The following CLK3 variants were observed in gnomAD, a reference collection of about 807,000 sequenced individuals.
CLK3 encodes the protein CDC like kinase 3, also known as dual specificity protein kinase CLK3.
A neutral mutation model predicts 65.2 loss-of-function variants in CLK3; 24 were observed. That is an observed-to-expected ratio of 0.37 (90% CI 0.27 to 0.52). CLK3 has a LOEUF of 0.52. Ranked by LOEUF, CLK3 falls within the 20% of genes least tolerant of loss-of-function variation. The pLI, the probability that CLK3 is intolerant of heterozygous loss-of-function variation, is 0.92. For missense variants in CLK3, 506 were observed against 660.0 expected, an observed-to-expected ratio of 0.77 and a Z score of 2.56; for synonymous variants, 252 against 240.8, an observed-to-expected ratio of 1.05 and a Z score of -0.43.
upstream of CLK3, among the ~76,000 whole-genome samples, chr15:74,614,082 C>T (rs568966241): frequency 1.3e-5 from 2 of 152,294 alleles, no homozygotes; most frequent in East Asian, 1.9e-4. Flanking sequence ...GGCGCGATCT[C>T]GGCTCACTGC....
In CLK3 at chr15:74,624,770, C is replaced by CCAGTATCTGCTCT; in HGVS notation, c.534-130_534-118dup. ...GTGTTGCATGGGGCAGGCTGGGCATCCAGTATCTGCTCTCTTCAGTGCCGG... is the reference window on the plus strand; with the variant it reads ...GTGTTGCATGGGGCAGGCTGGGCATCCAGTATCTGCTCTCAGTATCTGCTCTCTTCAGTGCCGG... On this transcript the variant is annotated intron_variant, in intron 5 of 12. Coordinates refer to ENST00000395066, the MANE Select transcript of CLK3 (RefSeq NM_001130028.2). The surrounding 1 kb of genome is among the most constrained non-coding windows in gnomAD (Gnocchi z 4.2). 2 of 674,626 alleles carry CCAGTATCTGCTCT rather than the reference C, an allele frequency of 3.0e-6. No homozygotes were observed. Among genetic ancestry groups the CCAGTATCTGCTCT allele is most frequent in the Non-Finnish European group, 5.4e-6 (2 of 369,050 alleles). The allele number at this position is 674,626 out of a possible 1,614,324, so 41.8% of individuals were successfully genotyped here.
Position 74,627,247 on chromosome 15 carries a change from G to A in CLK3, c.818-105G>A, listed in dbSNP as rs773106169. The A allele has an allele frequency of 4.6e-6, 4 of 873,188 alleles. No homozygotes were observed. Among genetic ancestry groups the A allele is most frequent in the Admixed American group, 1.7e-5 (1 of 58,438 alleles). The allele number at this position is 873,188 out of a possible 1,614,324, so 54.1% of individuals were successfully genotyped here. On this transcript the variant is annotated intron_variant, in intron 7 of 12. Transcript: ENST00000395066. The surrounding 1 kb of genome is among the most constrained non-coding windows in gnomAD (Gnocchi z 4.3). ...CAGCTCCCTGCTGAGGTGGGGGTGTGAGGACCTCTGGCAGTTGCTGGCATT... is the reference window on the plus strand; with the variant it reads ...CAGCTCCCTGCTGAGGTGGGGGTGTAAGGACCTCTGGCAGTTGCTGGCATT...
In CLK3 at chr15:74,619,238, G is replaced by A. The variant is rs150664892; in HGVS notation, c.42G>A (p.Pro14=). Residue 14 remains proline, a synonymous_variant, in exon 2 of 13, where the codon CCG becomes CCA. Coordinates refer to ENST00000395066, the MANE Select transcript of CLK3 (RefSeq NM_001130028.2). The part of the protein sequence containing the change: ...CKRYRSPEPD[P]YLSYRWKRRR... ...GATACCGCTCCCCTGAACCAGACCC[G>A]TACCTGAGCTACCGATGGAAGAGGA... is the stretch of plus-strand genomic sequence containing the variant. 23 of 1,614,154 alleles carry A rather than the reference G, an allele frequency of 1.4e-5. 1 individual carries two copies. The highest frequency in any genetic ancestry group is 1.1e-4 in the South Asian group (10 of 91,082).
At chr15:74,608,712 A>G (rs1376059851) in intron 1 of CLK3, 1 of 152,228 alleles carries the variant, frequency 6.6e-6, no homozygotes, top group African/African-American at 2.4e-5. Flanking sequence ...CCCATAAAAG[A>G]GCCAGAATGT....
upstream of CLK3, chr15:74,615,553 C>A (rs890107499): frequency 4.9e-5 from 62 of 1,275,166 alleles, no homozygotes; most frequent in Middle Eastern, 8.9e-4. Flanking sequence ...GGCCCCACCT[C>A]TCGGCTCTGA....
chr15:74,616,080 T>C, intron 1 of CLK3, 182 bp downstream of exon 1: 1 of 461,526 alleles, frequency 2.2e-6, no homozygotes, highest in Non-Finnish European at 3.5e-6. Context: ...GGGCGGTCAC[T>C]GCAGACCCTG....
chr15:74,615,546 C>G, upstream of CLK3: 1 of 1,280,702 alleles, frequency 7.8e-7, no homozygotes, highest in Admixed American at 4.2e-5. Flanking sequence ...AGGTCGGGGC[C>G]CCACCTCTCG....
chr15:74,615,644 C>G, upstream of CLK3: 2 of 1,249,972 alleles, frequency 1.6e-6, no homozygotes, highest in Non-Finnish European at 2.0e-6. Context: ...CGGGCCGGGC[C>G]AGGCTCGTCC....
chr15:74,612,611 T>C (rs1256389254), upstream of CLK3, among the ~76,000 whole-genome samples: 1 of 151,572 alleles, frequency 6.6e-6, no homozygotes, highest in Non-Finnish European at 1.5e-5. Flanking sequence ...ACTCCTCACA[T>C]TCCCAGGCCT....
chr15:74,629,360 G>A, intron 12 of CLK3: 1 of 531,000 alleles, frequency 1.9e-6, no homozygotes, highest in South Asian at 2.0e-5. Context: ...AGGTGAGGGG[G>A]AGGGAAGACC....
At position 74,622,392 on chromosome 15, in the gene CLK3, A is replaced by G; in HGVS notation, c.467-102A>G. 9.1e-7 allele frequency: 1 copy of G among 1,096,786 alleles called. No homozygotes were observed. Among genetic ancestry groups the G allele is most frequent in the Non-Finnish European group, 1.3e-6 (1 of 742,250 alleles). 67.9% of individuals were successfully genotyped at this position (1,096,786 alleles called of 1,614,324 possible). On this transcript the variant is annotated intron_variant, in intron 4 of 12. Transcript: ENST00000395066. This position sits in a 1 kb window ranked among gnomAD's most constrained non-coding sequence, Gnocchi z 4.6. Reference sequence around the variant, plus strand: ...ATTTTTAAGAGTGTAGCAGTGAGAGAGAAACCTTTTTTGTTTTTGAGAATT... The same window carrying G: ...ATTTTTAAGAGTGTAGCAGTGAGAGGGAAACCTTTTTTGTTTTTGAGAATT...
chr15:74,622,866 C>T lies in CLK3; in HGVS notation c.533+306C>T, dbSNP rs984364791. Among the ~76,000 whole-genome samples the T allele has an allele frequency of 3.3e-5, 5 of 152,128 alleles. No homozygotes were observed. Among genetic ancestry groups the T allele is most frequent in the African/African-American group, 9.7e-5 (4 of 41,408 alleles). The stretch of plus-strand genomic sequence containing the variant: ...GGATATCAGAACAGGGCCAAGGCCC[C>T]GGCTCCCCTGTGGCTTGGAGCTGCT... On this transcript the variant is annotated intron_variant, in intron 5 of 12. Transcript: ENST00000395066. This position sits in a 1 kb window ranked among gnomAD's most constrained non-coding sequence, Gnocchi z 4.6.
chr15:74,619,107 C>G lies in CLK3; in HGVS notation c.1-90C>G, dbSNP rs997928198. On this transcript the variant is annotated intron_variant, in intron 1 of 12. Coordinates refer to ENST00000395066, the MANE Select transcript of CLK3 (RefSeq NM_001130028.2). The stretch of plus-strand genomic sequence containing the variant: ...CGCCTTCAAACAGAACAATGGGCCT[C>G]TTCAGGAGCAACCGGGAAGCCCCAG... 1.9e-6 allele frequency: 3 copies of G among 1,540,976 alleles called. No individual in the cohort carries two copies. The South Asian group carries it at 3.7e-5, about 19-fold the overall frequency.
rs553755339 is a variant in CLK3 at position 74,622,334 on chromosome 15, A to G, written c.466+118A>G. The stretch of plus-strand genomic sequence containing the variant: ...TGGTGCCTTAGCGGGGCCACCAGTA[A>G]TTGCCTGAATGACACAGACACTAGC... On this transcript the variant is annotated intron_variant, in intron 4 of 12. Transcript: ENST00000395066. This position sits in a 1 kb window ranked among gnomAD's most constrained non-coding sequence, Gnocchi z 4.6. The G allele has an allele frequency of 1.9e-6, 2 of 1,063,870 alleles. No homozygotes were observed. Among genetic ancestry groups the G allele is most frequent in the Admixed American group, 2.1e-5 (1 of 48,496 alleles). 65.9% of individuals were successfully genotyped at this position (1,063,870 alleles called of 1,614,324 possible).
rs1596289894 is a variant in CLK3, at chr15:74,624,679, G to A, written c.534-223G>A. On this transcript the variant is annotated intron_variant, in intron 5 of 12. Transcript: ENST00000395066. This position sits in a 1 kb window ranked among gnomAD's most constrained non-coding sequence, Gnocchi z 4.2. ...CTGAGAACATAAAAGCCTAAGGATG[G>A]CAAGGATGCTAAGAGCATTAACTCA... The A allele has an allele frequency of 6.8e-6, 4 of 584,380 alleles. No homozygotes were observed. Among genetic ancestry groups the A allele is most frequent in the African/African-American group, 1.9e-5 (1 of 53,672 alleles). The allele number at this position is 584,380 out of a possible 1,614,324, so 36.2% of individuals were successfully genotyped here. A position where few individuals can be genotyped will look rare whatever the true frequency, so the allele number is the denominator to read the frequency against.
At chr15:74,608,783 T>C (rs2061946014) in intron 1 of CLK3, 1 of 152,220 alleles carries the variant, frequency 6.6e-6, no homozygotes, top group Non-Finnish European at 1.5e-5. Context: ...TGATTCCGGG[T>C]TTAGGGCTCT....
chr15:74,610,688 C>G (rs2061978655), intron 1 of CLK3, among the ~76,000 whole-genome samples: 1 of 152,058 alleles, frequency 6.6e-6, no homozygotes. Context: ...GATACACCGC[C>G]TCTCCAGCTG....
At chr15:74,629,131 C>T (rs1375410139) in intron 12 of CLK3, 99 bp downstream of exon 12, 3 of 917,898 alleles carry the variant, frequency 3.3e-6, no homozygotes, top group East Asian at 4.9e-5. Flanking sequence ...TAAAGGCTGC[C>T]TCCTTGATCC....
At position 74,621,088 on chromosome 15, in the gene CLK3, C is replaced by G. The variant is rs1886213977; in HGVS notation, c.369+863C>G. ...TGCCTCCCTCCTGCCGGCCTTGAGG[C>G]CCCTGAGGAGCAGTGGAGAGGCCAG... On this transcript the variant is annotated intron_variant, in intron 3 of 12. Transcript: ENST00000395066. The surrounding 1 kb of genome is among the most constrained non-coding windows in gnomAD (Gnocchi z 4.8). The G allele has an allele frequency of 6.6e-6, 1 of 152,466 alleles. No individual in the cohort carries two copies. 9.4% of individuals were successfully genotyped at this position (152,466 alleles called of 1,614,324 possible). A position where few individuals can be genotyped will look rare whatever the true frequency, so the allele number is the denominator to read the frequency against.
Sources: allele counts gnomAD v4.1 joint callset (sites outside exome capture counted in the v4.1 genomes callset), GRCh38; gene constraint gnomAD v4.1.1; non-coding constraint Gnocchi (gnomAD v3.1); transcripts MANE v1.5; gene names NCBI Gene and HGNC (gene_info 2026-07-23, HGNC 2026-07-21).